SLC9A2: variants seen among roughly 807,000 people sequenced by gnomAD.
SLC9A2 encodes solute carrier family 9 member A2.
In SLC9A2, 42 loss-of-function variants were observed where a neutral mutation model predicts 71.7. That is an observed-to-expected ratio of 0.59 (90% CI 0.46 to 0.76). The LOEUF (loss-of-function observed/expected upper bound fraction) is 0.76, where lower values mean the gene tolerates loss of function less well. SLC9A2 is among the 30% of genes least tolerant of loss of function. The pLI is 0.00. For synonymous variants in SLC9A2, 396 were observed against 392.5 expected (o/e 1.01, Z -0.10); for missense variants, 829 against 1,017.4 (o/e 0.81, Z 2.52).
At chr2:102,680,703 G>T (rs1464251871) in intron 3 of SLC9A2, among the ~76,000 whole-genome samples, 2 of 152,172 alleles carry the variant, frequency 1.3e-5, no homozygotes, top group African/African-American at 4.8e-5. Context: ...CTAATCCCTG[G>T]AACCTGCTAA....
Position 102,665,368 on chromosome 2 carries a change from A to G in SLC9A2, c.1004+18A>G, listed in dbSNP as rs764958917. On this transcript the variant is annotated intron_variant, in intron 3 of 11. Coordinates refer to ENST00000233969, the MANE Select transcript of SLC9A2 (RefSeq NM_003048.6). ...ATCATGGCGTAAGTACTTCTTTGTT[A>G]AAAGTGCTCGATGATGGCATTTCAT... is the stretch of plus-strand genomic sequence containing the variant. 1 of 1,598,462 alleles carries G rather than the reference A, an allele frequency of 6.3e-7. No individual in the cohort carries two copies. The highest frequency in any genetic ancestry group is 8.6e-7 in the Non-Finnish European group (1 of 1,168,866).
At chr2:102,705,045 A>G (rs568923151) in intron 10 of SLC9A2, among the ~76,000 whole-genome samples, 252 of 151,896 alleles carry the variant, frequency 1.7e-3, no homozygotes, top group South Asian at 4.4e-3. Flanking sequence ...CTACTAAAAT[A>G]CAAAAAAAAA....
At chr2:102,640,771 A>T (rs995561105) in intron 1 of SLC9A2, among the ~76,000 whole-genome samples, 1 of 152,150 alleles carries the variant, frequency 6.6e-6, no homozygotes, top group Non-Finnish European at 1.5e-5. Context: ...AATTTGGGTG[A>T]TGGAGTTGGA....
At chr2:102,676,743 T>G (rs954866763) in intron 3 of SLC9A2, among the ~76,000 whole-genome samples, 11 of 152,254 alleles carry the variant, frequency 7.2e-5, no homozygotes, top group Non-Finnish European at 1.3e-4. Context: ...GAGTGAGTAC[T>G]TATTCTGAGA....
At chr2:102,622,882 C>T (rs1676169345) in intron 1 of SLC9A2, among the ~76,000 whole-genome samples, 1 of 152,182 alleles carries the variant, frequency 6.6e-6, no homozygotes, top group Non-Finnish European at 1.5e-5. Context: ...CTCTTTACTT[C>T]CGCTTTGGCC....
At chr2:102,683,502 T>C in intron 4 of SLC9A2, 24 bp downstream of exon 4, 1 of 1,564,024 alleles carries the variant, frequency 6.4e-7, no homozygotes, top group South Asian at 1.1e-5. Flanking sequence ...GTTTGCTAAC[T>C]GGACATATGT....
chr2:102,656,309 A>T (rs1334840041), intron 1 of SLC9A2, among the ~76,000 whole-genome samples: 3 of 152,216 alleles, frequency 2.0e-5, no homozygotes, highest in Non-Finnish European at 4.4e-5. Context: ...ATGAATTAAG[A>T]GATGGATATT....
chr2:102,673,763 A>G (rs182715143), intron 3 of SLC9A2, among the ~76,000 whole-genome samples: 20 of 152,202 alleles, frequency 1.3e-4, no homozygotes, highest in Middle Eastern at 3.4e-3. Flanking sequence ...TAAGTCAGAA[A>G]TGTATAATTG....
At chr2:102,644,126 G>A (rs564985299) in intron 1 of SLC9A2, among the ~76,000 whole-genome samples, 5 of 152,004 alleles carry the variant, frequency 3.3e-5, no homozygotes, top group Admixed American at 3.3e-4. Flanking sequence ...TCCAACTGAG[G>A]TACCCGGGTC....
chr2:102,695,215 G>GT (rs1292494477), intron 7 of SLC9A2, 102 bp downstream of exon 7: 1 of 829,512 alleles, frequency 1.2e-6, no homozygotes, highest in East Asian at 2.5e-5. Flanking sequence ...TCTTTCCTGT[G>GT]TTGTACCATA....
At position 102,686,496 on chromosome 2, in the gene SLC9A2, C is replaced by G. The variant is rs1429975720; in HGVS notation, c.1425+2160C>G. On this transcript the variant is annotated intron_variant, in intron 5 of 11. Coordinates refer to ENST00000233969, the MANE Select transcript of SLC9A2 (RefSeq NM_003048.6). The stretch of plus-strand genomic sequence containing the variant: ...GAGTTCTCTGGAATCCTGAAGAAGA[C>G]CCTTTCCTGAGTTAAGATGACCACC... 8 of 152,196 alleles carry G rather than the reference C, an allele frequency of 5.3e-5. No individual in the cohort carries two copies. In the East Asian group the frequency reaches 1.5e-3, roughly 29 times the overall value. The allele number at this position is 152,196 out of a possible 1,614,324, so 9.4% of individuals were successfully genotyped here. A position where few individuals can be genotyped will look rare whatever the true frequency, so the allele number is the denominator to read the frequency against.
At chr2:102,670,400 T>C (rs746270792) in intron 3 of SLC9A2, among the ~76,000 whole-genome samples, 4 of 152,070 alleles carry the variant, frequency 2.6e-5, no homozygotes, top group Non-Finnish European at 5.9e-5. Context: ...AAGTATTTTC[T>C]ATTTATTGTT....
chr2:102,637,421 G>A (rs370560046), intron 1 of SLC9A2, among the ~76,000 whole-genome samples: 2 of 152,342 alleles, frequency 1.3e-5, no homozygotes, highest in African/African-American at 4.8e-5. Context: ...CTGGGGCACA[G>A]TTGCAGTGCC....
At chr2:102,693,055 TTA>T (rs150875117) in intron 5 of SLC9A2, among the ~76,000 whole-genome samples, 125 of 149,296 alleles carry the variant, frequency 8.4e-4, no homozygotes, top group Non-Finnish European at 1.1e-3. Flanking sequence ...TACTAGTATT[TTA>T]TATATATATA....
At chr2:102,622,720 G>A (rs974067691) in intron 1 of SLC9A2, among the ~76,000 whole-genome samples, 1 of 152,120 alleles carries the variant, frequency 6.6e-6, no homozygotes, top group African/African-American at 2.4e-5. Flanking sequence ...ATAAAGCTGG[G>A]CACACTGTAA....
Position 102,684,318 on chromosome 2 carries a change from C to A in SLC9A2, c.1407C>A (p.Phe469Leu), listed in dbSNP as rs762142012. The change falls in exon 5 of 12, where the codon TTC (phenylalanine) becomes TTA (leucine). Residue 469 changes from phenylalanine to leucine, a missense_variant. Physicochemically the swap from Phe to Leu is conservative, Grantham distance 22. Transcript: ENST00000233969. ...LFITAAIVVIFFTVFILGITI... is the reference protein window; with the variant it reads ...LFITAAIVVILFTVFILGITI... ...TTACGGCTGCCATTGTTGTCATATT[C>A]TTTACTGTCTTCATTCTGGTAAGTA... is the stretch of plus-strand genomic sequence containing the variant. 6.2e-7 allele frequency: 1 copy of A among 1,613,950 alleles called. No homozygotes were observed. Among genetic ancestry groups the A allele is most frequent in the Non-Finnish European group, 8.5e-7 (1 of 1,179,846 alleles).
chr2:102,688,064 G>A (rs1206932171), intron 5 of SLC9A2, among the ~76,000 whole-genome samples: 2 of 152,144 alleles, frequency 1.3e-5, no homozygotes, highest in African/African-American at 4.8e-5. Context: ...ACAAGCGCGA[G>A]CACCACCATG....
chr2:102,642,711 G>A (rs1046838307), intron 1 of SLC9A2, among the ~76,000 whole-genome samples: 13 of 152,124 alleles, frequency 8.5e-5, no homozygotes, highest in African/African-American at 2.9e-4. Context: ...CTCCTCTTCT[G>A]TTTTTTGGAA....
intron 1 of SLC9A2, among the ~76,000 whole-genome samples, chr2:102,641,122 C>T (rs1259690067): frequency 2.0e-5 from 3 of 152,232 alleles, no homozygotes; most frequent in South Asian, 2.1e-4. Flanking sequence ...ATAAAACTTG[C>T]GCCAGCCCTG....
Sources: allele counts gnomAD v4.1 joint callset (sites outside exome capture counted in the v4.1 genomes callset), GRCh38; gene constraint gnomAD v4.1.1; transcripts MANE v1.5; gene names NCBI Gene and HGNC (gene_info 2026-07-23, HGNC 2026-07-21).